SNUPN: variants seen among roughly 807,000 people sequenced by gnomAD.
The protein encoded by SNUPN is snurportin-1.
Under a neutral mutation model 39.2 loss-of-function variants are expected in SNUPN, and 31 were observed. The observed-to-expected ratio is 0.79, with a 90% CI of 0.59 to 1.07. The LOEUF (loss-of-function observed/expected upper bound fraction) is 1.07, where lower values mean the gene tolerates loss of function less well. Among genes scored for constraint, SNUPN ranks in the 50% least tolerant of loss-of-function variants. The probability of loss-of-function intolerance (pLI) is 0.00; values close to 1 mark genes in which losing one functional copy is unlikely to be tolerated. For missense variants in SNUPN, 382 were observed against 434.2 expected (o/e 0.88, Z 1.07); for synonymous variants, 132 against 159.0 (o/e 0.83, Z 1.28).
chr15:75,604,227 C>G (rs1429346158), intron 7 of SNUPN, among the ~76,000 whole-genome samples: 1 of 135,896 alleles, frequency 7.4e-6, no homozygotes, highest in Non-Finnish European at 1.5e-5. Flanking sequence ...GTGGCACAAT[C>G]TTGGCTCACT....
In SNUPN at chr15:75,614,838, T is replaced by C. The variant is rs987787649; in HGVS notation, c.303+2570A>G. ...ATACTTGTGGGGCACTTCCAGACTC[T>C]GGGCTAGGTATTTAAGGCATATTAT... On this transcript the variant is annotated intron_variant, in intron 3 of 8. Transcript: ENST00000308588. Among the ~76,000 whole-genome samples the C allele has an allele frequency of 1.1e-4, 16 of 152,348 alleles. 1 individual carries two copies. The South Asian group carries it at 3.1e-3, about 30-fold the overall frequency.
intron 6 of SNUPN, among the ~76,000 whole-genome samples, chr15:75,605,944 A>G (rs1029189433): frequency 2.0e-5 from 3 of 152,168 alleles, no homozygotes; most frequent in Non-Finnish European, 4.4e-5. Flanking sequence ...TCAGGAGTTC[A>G]AGACAGCCTG....
At chr15:75,611,683 C>A (rs866622435) in intron 3 of SNUPN, among the ~76,000 whole-genome samples, 183 of 151,892 alleles carry the variant, frequency 1.2e-3, no homozygotes, top group Middle Eastern at 3.4e-3. Flanking sequence ...GGTGACAAGC[C>A]GTCTCTACTA....
intron 1 of SNUPN, among the ~76,000 whole-genome samples, chr15:75,621,842 C>A (rs911215570): frequency 1.3e-5 from 2 of 148,466 alleles, no homozygotes; most frequent in African/African-American, 5.0e-5. Context: ...TCGAAACCAG[C>A]CTGACCAACA....
intron 7 of SNUPN, among the ~76,000 whole-genome samples, chr15:75,604,383 A>T (rs2075315366): frequency 6.6e-6 from 1 of 152,028 alleles, no homozygotes; most frequent in Admixed American, 6.6e-5. Flanking sequence ...GCTGGTCTCG[A>T]ATTCCTGACC....
At position 75,598,514 on chromosome 15, in the gene SNUPN, A is replaced by C. The variant is rs895001810; in HGVS notation, c.927T>G (p.Ile309Met). The C allele has an allele frequency of 6.8e-6, 11 of 1,614,146 alleles. No homozygotes were observed. The highest frequency in any genetic ancestry group is 3.3e-5 in the Admixed American group (2 of 59,994). ...PDYAGHQLQQ[I>M]MEHKKSQKEG... Reference sequence around the variant, plus strand: ...CCTTCTGGCTCTTCTTGTGCTCCATAATCTGCTGGAGCTGGTGCCCAGCAT... The same window carrying C: ...CCTTCTGGCTCTTCTTGTGCTCCATCATCTGCTGGAGCTGGTGCCCAGCAT... The change falls in exon 9 of 9, where the codon ATT becomes ATG. Residue 309 changes from isoleucine (I) to methionine (M), a missense_variant. By Grantham distance (10) the Ile-to-Met change is conservative. Transcript: ENST00000308588.
intron 1 of SNUPN, chr15:75,622,196 C>CT (rs1364306946): frequency 1.5e-5 from 5 of 344,248 alleles, no homozygotes; most frequent in African/African-American, 2.2e-5. Flanking sequence ...GACTATGTCT[C>CT]TACTTTTTAA....
chr15:75,598,313 T>A lies in SNUPN; in HGVS notation c.*45A>T. On this transcript the variant is annotated 3_prime_UTR_variant, in exon 9 of 9. Transcript: ENST00000308588. ...CTGTCCTCCTCTCCAGGATTCCTTTTGGGGCCAGGTACCATCCTGTGGCTC... is the reference window on the plus strand; with the variant it reads ...CTGTCCTCCTCTCCAGGATTCCTTTAGGGGCCAGGTACCATCCTGTGGCTC... 1 of 1,501,862 alleles carries A rather than the reference T, an allele frequency of 6.7e-7. No homozygotes were observed. Among genetic ancestry groups the A allele is most frequent in the African/African-American group, 1.4e-5 (1 of 71,998 alleles). 93.0% of individuals were successfully genotyped at this position (1,501,862 alleles called of 1,614,324 possible).
rs150148106 is a variant in SNUPN at position 75,616,660 on chromosome 15, A to G, written c.303+748T>C. ...AGATACTTGGGTTCTAGACACAAGT[A>G]TATGATAGCAGGGTAGACCTCCATC... On this transcript the variant is annotated intron_variant, in intron 3 of 8. Coordinates refer to ENST00000308588, the MANE Select transcript of SNUPN (RefSeq NM_005701.4). Among the ~76,000 whole-genome samples the G allele has an allele frequency of 5.3e-5, 8 of 152,306 alleles. No individual in the cohort carries two copies. The East Asian group carries it at 1.5e-3, about 29-fold the overall frequency.
At chr15:75,607,549 G>A (rs2075340794) in intron 5 of SNUPN, among the ~76,000 whole-genome samples, 1 of 152,190 alleles carries the variant, frequency 6.6e-6, no homozygotes, top group South Asian at 2.1e-4. Context: ...CAAACCTTAA[G>A]CAAAGTGAGA....
chr15:75,604,157 C>CTTTT (rs34924144), intron 7 of SNUPN, among the ~76,000 whole-genome samples: 45 of 114,940 alleles, frequency 3.9e-4, no homozygotes, highest in East Asian at 4.9e-4. Context: ...TTCCCTTTAA[C>CTTTT]TTTTTTTTTT....
At chr15:75,617,634 T>C in intron 2 of SNUPN, 82 bp from the exon 3 acceptor site, 1 of 1,463,428 alleles carries the variant, frequency 6.8e-7, no homozygotes, top group Non-Finnish European at 9.1e-7. Context: ...TTGCCCAGGC[T>C]GGAATGGTGC....
chr15:75,605,639 T>G (rs953855457), intron 6 of SNUPN, among the ~76,000 whole-genome samples: 1 of 152,192 alleles, frequency 6.6e-6, no homozygotes, highest in African/African-American at 2.4e-5. Flanking sequence ...TTTTGGAAAT[T>G]TAAAAAGATA....
intron 3 of SNUPN, among the ~76,000 whole-genome samples, chr15:75,615,367 C>T (rs965924582): frequency 2.0e-5 from 3 of 152,070 alleles, no homozygotes; most frequent in African/African-American, 7.2e-5. Context: ...CAACTCTATG[C>T]CACTCTACCC....
At chr15:75,605,676 A>T (rs2075325785) in intron 6 of SNUPN, among the ~76,000 whole-genome samples, 1 of 152,220 alleles carries the variant, frequency 6.6e-6, no homozygotes, top group African/African-American at 2.4e-5. Flanking sequence ...TACGTTATAA[A>T]AATATATTTG....
intron 5 of SNUPN, among the ~76,000 whole-genome samples, chr15:75,609,214 G>A (rs1291366089): frequency 4.8e-4 from 55 of 115,094 alleles, no homozygotes; most frequent in African/African-American, 1.7e-3. Flanking sequence ...ACGGAGTCTC[G>A]CTCTGTCGCC....
intron 1 of SNUPN, among the ~76,000 whole-genome samples, chr15:75,621,267 T>TG (rs968752818): frequency 4.6e-5 from 7 of 151,170 alleles, no homozygotes; most frequent in Non-Finnish European, 8.9e-5. Flanking sequence ...ATTTCCTTTT[T>TG]TTTTTTTTTT....
At position 75,609,871 on chromosome 15, in the gene SNUPN, G is replaced by A. The variant is rs370119718; in HGVS notation, c.408+19C>T. On this transcript the variant is annotated intron_variant, in intron 4 of 8. Coordinates refer to ENST00000308588, the MANE Select transcript of SNUPN (RefSeq NM_005701.4). ...CTACAGACCAGGCCTACTGGCATAGGGGGCAGGCAGCTACTCACCCTGGAG... is the reference window on the plus strand; with the variant it reads ...CTACAGACCAGGCCTACTGGCATAGAGGGCAGGCAGCTACTCACCCTGGAG... The A allele has an allele frequency of 2.7e-5, 43 of 1,575,896 alleles. No individual in the cohort carries two copies. The African/African-American group carries it at 4.5e-4, about 16-fold the overall frequency.
At chr15:75,622,606 G>A in intron 1 of SNUPN, 6 of 561,196 alleles carry the variant, frequency 1.1e-5, no homozygotes, top group Non-Finnish European at 1.4e-5. Context: ...CTGCTGGGCT[G>A]GCCCAGCCCT....
Sources: gnomAD v4.1 joint callset for allele counts (sites outside exome capture counted in the v4.1 genomes callset) on GRCh38, gnomAD v4.1.1 for gene constraint, MANE v1.5 for transcripts, NCBI Gene and HGNC (gene_info 2026-07-23, HGNC 2026-07-21) for gene names.